The following NRG1 variants were observed in gnomAD, a reference collection of about 807,000 sequenced individuals.
NRG1 encodes neuregulin 1.
In NRG1, 18 loss-of-function variants were observed where a neutral mutation model predicts 63.8. The observed-to-expected ratio is 0.28, with a 90% CI of 0.19 to 0.42. The LOEUF (loss-of-function observed/expected upper bound fraction) is 0.42, where lower values mean the gene tolerates loss of function less well. Among genes scored for constraint, NRG1 ranks in the 10% least tolerant of loss-of-function variants. The pLI is 1.00. For missense variants in NRG1, 762 were observed against 814.7 expected (o/e 0.94, Z 0.79); for synonymous variants, 302 against 301.3 (o/e 1.00, Z -0.02).
intron 1 of NRG1, among the ~76,000 whole-genome samples, chr8:31,854,294 G>A (rs947495951): frequency 6.6e-6 from 1 of 152,176 alleles, no homozygotes; most frequent in African/African-American, 2.4e-5. Context: ...TTCAGATCCT[G>A]TTATTGGTCT....
chr8:32,433,846 C>A (rs559983067), intron 1 of NRG1, among the ~76,000 whole-genome samples: 1 of 152,178 alleles, frequency 6.6e-6, no homozygotes, highest in South Asian at 2.1e-4. Context: ...CTTCCTTGAA[C>A]TGAAAGGTTT....
chr8:31,917,722 GT>G (rs1833526375), intron 1 of NRG1, among the ~76,000 whole-genome samples: 1 of 152,126 alleles, frequency 6.6e-6, no homozygotes, highest in African/African-American at 2.4e-5. Context: ...CTTTAAAGTA[GT>G]TTTTTCCAAT....
At chr8:32,173,716 A>T (rs1280519663) in intron 1 of NRG1, among the ~76,000 whole-genome samples, 1 of 152,206 alleles carries the variant, frequency 6.6e-6, no homozygotes, top group Non-Finnish European at 1.5e-5. Flanking sequence ...ACAGACTTTA[A>T]ACCAACAAAG....
chr8:31,937,484 T>C (rs1362312095), intron 1 of NRG1, among the ~76,000 whole-genome samples: 1 of 152,204 alleles, frequency 6.6e-6, no homozygotes, highest in Non-Finnish European at 1.5e-5. Flanking sequence ...AAAATAATTT[T>C]ATTTGAATTT....
chr8:32,500,770 A>G (rs1827764215), intron 1 of NRG1, among the ~76,000 whole-genome samples: 2 of 152,228 alleles, frequency 1.3e-5, no homozygotes, highest in African/African-American at 4.8e-5. Context: ...GCTTTTAGAA[A>G]GGGTTTCCTG....
rs150180861 is a variant in NRG1, at chr8:32,193,427, G to A, written c.38-402401G>A. 3.1e-3 allele frequency among the ~76,000 whole-genome samples: 476 copies of A among 151,952 alleles called. 9 individuals carry two copies. Among genetic ancestry groups the A allele is most frequent in the African/African-American group, 0.011 (455 of 41,426 alleles). ...CAGGCTTTTAGAAATGAAAAATAAT[G>A]CCTGCTACAATCAACTTTTAATTAT... On this transcript the variant is annotated intron_variant, in intron 1 of 10. Coordinates refer to the NRG1 transcript ENST00000519301.
At chr8:32,424,339 C>T (rs990235480) in intron 1 of NRG1, among the ~76,000 whole-genome samples, 2 of 152,070 alleles carry the variant, frequency 1.3e-5, no homozygotes, top group Admixed American at 6.6e-5. Context: ...TAAGTTGCCT[C>T]AACACACTTC....
chr8:32,535,516 A>G, intron 1 of NRG1, among the ~76,000 whole-genome samples: 1 of 152,146 alleles, frequency 6.6e-6, no homozygotes, highest in East Asian at 1.9e-4. Flanking sequence ...CTAAAAATAG[A>G]AAAAAAGCCA....
intron 1 of NRG1, among the ~76,000 whole-genome samples, chr8:32,575,848 T>C (rs1839527818): frequency 6.6e-6 from 1 of 152,214 alleles, no homozygotes; most frequent in Non-Finnish European, 1.5e-5. Flanking sequence ...GCTAGTCTTA[T>C]AGAAAGCACA....
At chr8:32,214,171 C>T (rs1844977781) in intron 1 of NRG1, among the ~76,000 whole-genome samples, 1 of 152,080 alleles carries the variant, frequency 6.6e-6, no homozygotes, top group Non-Finnish European at 1.5e-5. Flanking sequence ...TTTAGGCAAA[C>T]AGGGGCAGGG....
chr8:32,652,451 C>G (rs1216411410), intron 5 of NRG1, among the ~76,000 whole-genome samples: 1 of 152,062 alleles, frequency 6.6e-6, no homozygotes, highest in African/African-American at 2.4e-5. Flanking sequence ...TTTCTCCTCT[C>G]TATTCTTTTG....
chr8:31,779,297 C>T (rs1392349078), intron 1 of NRG1, among the ~76,000 whole-genome samples: 2 of 152,004 alleles, frequency 1.3e-5, no homozygotes, highest in Non-Finnish European at 2.9e-5. Flanking sequence ...ATAAACATTG[C>T]CTGTTATAGT....
intron 1 of NRG1, among the ~76,000 whole-genome samples, chr8:31,679,984 A>G (rs1016256672): frequency 6.6e-6 from 1 of 152,060 alleles, no homozygotes; most frequent in African/African-American, 2.4e-5. Context: ...CCTAGGAAAA[A>G]CTCTTAGAAA....
At chr8:32,009,893 C>T (rs565643904) in intron 1 of NRG1, among the ~76,000 whole-genome samples, 4 of 151,646 alleles carry the variant, frequency 2.6e-5, no homozygotes, top group African/African-American at 9.7e-5. Context: ...CCCATCCCTC[C>T]CATCCTCCTC....
At chr8:31,665,987 C>T (rs566877206) in intron 1 of NRG1, among the ~76,000 whole-genome samples, 4 of 152,192 alleles carry the variant, frequency 2.6e-5, no homozygotes, top group Admixed American at 6.5e-5. Flanking sequence ...ACGTTGTTCA[C>T]GACTGAAATA....
intron 1 of NRG1, among the ~76,000 whole-genome samples, chr8:32,498,419 C>T (rs58182668): frequency 0.11 from 16,562 of 152,240 alleles, 1,176 homozygotes; most frequent in Admixed American, 0.24. Context: ...AACTTACAAT[C>T]ATGGCAGAAG....
intron 1 of NRG1, among the ~76,000 whole-genome samples, chr8:32,142,011 T>C (rs1023092132): frequency 3.3e-5 from 5 of 152,262 alleles, no homozygotes; most frequent in Middle Eastern, 6.8e-3. Context: ...GTGGCTGTTC[T>C]TCTCCATCAG....
intron 1 of NRG1, among the ~76,000 whole-genome samples, chr8:32,136,401 T>C (rs1372735938): frequency 1.3e-5 from 2 of 152,294 alleles, no homozygotes; most frequent in South Asian, 2.1e-4. Context: ...CCGTGGTCTC[T>C]GACCCAAAGT....
intron 2 of NRG1, among the ~76,000 whole-genome samples, chr8:32,596,783 A>G (rs2129537652): frequency 6.6e-6 from 1 of 152,304 alleles, no homozygotes; most frequent in East Asian, 1.9e-4. Flanking sequence ...GGTTAATGAT[A>G]TAATTTTATC....
Sources: allele counts gnomAD v4.1 joint callset (sites outside exome capture counted in the v4.1 genomes callset), GRCh38; gene constraint gnomAD v4.1.1; transcripts MANE v1.5; gene names NCBI Gene and HGNC (gene_info 2026-07-23, HGNC 2026-07-21).